Variants in GALNT13 observed in about 807,000 individuals in gnomAD.
GALNT13 encodes polypeptide N-acetylgalactosaminyltransferase 13.
A neutral mutation model predicts 64.2 loss-of-function variants in GALNT13; 28 were observed. The ratio of observed to expected loss-of-function variants is 0.44; its 90% CI spans 0.32 to 0.60. The LOEUF is 0.60. Among genes scored for constraint, GALNT13 ranks in the 20% least tolerant of loss-of-function variants. The pLI is 0.05. For synonymous variants in GALNT13, 214 were observed against 224.6 expected (o/e 0.95, Z 0.42); for missense variants, 577 against 669.8 (o/e 0.86, Z 1.53).
chr2:153,133,109 A>G, the GALNT13 span, among the ~76,000 whole-genome samples: 1 of 149,314 alleles, frequency 6.7e-6, no homozygotes, highest in South Asian at 2.1e-4. Flanking sequence ...TCACTGAAGG[A>G]TTGGAGTAAA....
At chr2:153,280,061 A>G in the GALNT13 span, among the ~76,000 whole-genome samples, 8 of 152,074 alleles carry the variant, frequency 5.3e-5, no homozygotes, top group African/African-American at 1.9e-4. Flanking sequence ...GTTGGTGTAT[A>G]TAGGATTTGA....
intron 1 of GALNT13, among the ~76,000 whole-genome samples, chr2:153,897,382 G>A (rs1216583333): frequency 6.6e-6 from 1 of 151,968 alleles, no homozygotes; most frequent in Non-Finnish European, 1.5e-5. Flanking sequence ...TTTCCTAATG[G>A]TTAATTCTGT....
At chr2:153,987,150 TA>T (rs1360602423) in intron 3 of GALNT13, among the ~76,000 whole-genome samples, 1 of 151,826 alleles carries the variant, frequency 6.6e-6, no homozygotes, top group Non-Finnish European at 1.5e-5. Flanking sequence ...ATCTAAAGGA[TA>T]AAGGAGTAGG....
Position 154,245,886 on chromosome 2 carries a change from C to T in GALNT13, c.761C>T (p.Thr254Ile). The T allele has an allele frequency of 6.2e-7, 1 of 1,612,530 alleles. No homozygotes were observed. The highest frequency in any genetic ancestry group is 8.5e-7 in the Non-Finnish European group (1 of 1,178,798). The change falls in exon 7 of 13, where the codon ACT becomes ATT. Residue 254 changes from threonine (T) to isoleucine (I), a missense_variant. Around this residue, in one of 3 missense-constraint regions of GALNT13, gnomAD observed 341 missense variants for 379.3 expected, o/e 0.90. Transcript: ENST00000392825. ...TFEYMAGSDMTYGGFNWKLNF... is the reference protein window; with the variant it reads ...TFEYMAGSDMIYGGFNWKLNF... ...GAATATATGGCTGGGTCAGACATGA[C>T]TTATGGGGGTTTTAACTGGAAACTG...
At chr2:153,719,412 T>C in the GALNT13 span, among the ~76,000 whole-genome samples, 1 of 152,196 alleles carries the variant, frequency 6.6e-6, no homozygotes, top group Non-Finnish European at 1.5e-5. Flanking sequence ...TTTGCTTCCA[T>C]ATTTGTTCAA....
At chr2:153,210,738 C>A in the GALNT13 span, among the ~76,000 whole-genome samples, 2 of 152,114 alleles carry the variant, frequency 1.3e-5, no homozygotes, top group Admixed American at 6.6e-5. Context: ...TAGAGTTCTG[C>A]AAGTTTAGTT....
the GALNT13 span, among the ~76,000 whole-genome samples, chr2:153,096,066 T>A: frequency 1.3e-5 from 2 of 151,810 alleles, no homozygotes; most frequent in African/African-American, 2.4e-5. Flanking sequence ...TAAATAAATA[T>A]AATTAGCTTC....
the GALNT13 span, among the ~76,000 whole-genome samples, chr2:153,728,107 G>A: frequency 1.3e-5 from 2 of 152,160 alleles, no homozygotes; most frequent in Non-Finnish European, 2.9e-5. Context: ...GTATTCCATG[G>A]TGTGTATGTG....
the GALNT13 span, among the ~76,000 whole-genome samples, chr2:153,172,492 A>G: frequency 6.6e-6 from 1 of 152,040 alleles, no homozygotes; most frequent in African/African-American, 2.4e-5. Context: ...GATTTAAAGC[A>G]CCACTGAGAG....
chr2:153,749,342 T>C, the GALNT13 span, among the ~76,000 whole-genome samples: 2 of 152,026 alleles, frequency 1.3e-5, no homozygotes, highest in African/African-American at 4.8e-5. Context: ...TGGGTTCAAA[T>C]AAATTTTGGC....
the GALNT13 span, among the ~76,000 whole-genome samples, chr2:153,204,900 A>G: frequency 1.3e-5 from 2 of 152,142 alleles, no homozygotes; most frequent in Non-Finnish European, 2.9e-5. Flanking sequence ...GAAAAAAAAG[A>G]GGTGATTTAT....
chr2:153,626,458 T>G, the GALNT13 span, among the ~76,000 whole-genome samples: 1 of 152,120 alleles, frequency 6.6e-6, no homozygotes, highest in East Asian at 1.9e-4. Flanking sequence ...TGTAAGGATT[T>G]ACTGTATCTT....
the GALNT13 span, among the ~76,000 whole-genome samples, chr2:153,430,752 T>A: frequency 6.6e-6 from 1 of 151,940 alleles, no homozygotes; most frequent in Admixed American, 6.6e-5. Flanking sequence ...AGCTACTCAT[T>A]TAAAATTTTA....
chr2:153,237,693 C>T, the GALNT13 span, among the ~76,000 whole-genome samples: 2 of 151,758 alleles, frequency 1.3e-5, no homozygotes, highest in Admixed American at 1.3e-4. Flanking sequence ...TGGGACTCTG[C>T]TGTGTATATG....
chr2:154,419,425 T>A (rs962833422), intron 11 of GALNT13, among the ~76,000 whole-genome samples: 1 of 152,202 alleles, frequency 6.6e-6, no homozygotes, highest in African/African-American at 2.4e-5. Context: ...ATTTATCTTT[T>A]AAGTATTGTA....
At chr2:153,436,523 T>A in the GALNT13 span, among the ~76,000 whole-genome samples, 16 of 152,324 alleles carry the variant, frequency 1.1e-4, no homozygotes, top group Admixed American at 2.0e-4. Flanking sequence ...ATTTGTCTAT[T>A]CAGAGATTCA....
the GALNT13 span, among the ~76,000 whole-genome samples, chr2:153,267,349 A>T: frequency 6.6e-6 from 1 of 152,226 alleles, no homozygotes; most frequent in Non-Finnish European, 1.5e-5. Flanking sequence ...GAGGTTTTCT[A>T]TAAGGGCTTG....
At chr2:153,577,206 G>A in the GALNT13 span, among the ~76,000 whole-genome samples, 1 of 152,042 alleles carries the variant, frequency 6.6e-6, no homozygotes, top group Non-Finnish European at 1.5e-5. Context: ...AATGTTTAAG[G>A]TATAAATTAT....
At chr2:153,914,483 C>CAA (rs762980653) in intron 2 of GALNT13, among the ~76,000 whole-genome samples, 33,911 of 115,890 alleles carry the variant, frequency 0.29, 5,260 homozygotes, top group Middle Eastern at 0.33. Context: ...GTCTCCGTCT[C>CAA]AAAAAAAAAA....
Sources: allele counts gnomAD v4.1 joint callset (sites outside exome capture counted in the v4.1 genomes callset), GRCh38; gene constraint gnomAD v4.1.1; regional missense constraint gnomAD v4.1.1; transcripts MANE v1.5; gene names NCBI Gene and HGNC (gene_info 2026-07-23, HGNC 2026-07-21).